PLCB4: variants seen among roughly 807,000 people sequenced by gnomAD.
PLCB4 encodes 1-phosphatidylinositol 4,5-bisphosphate phosphodiesterase beta-4.
In PLCB4, 77 loss-of-function variants were observed where a neutral mutation model predicts 178.8. The ratio of observed to expected loss-of-function variants is 0.43; its 90% CI spans 0.36 to 0.52. The LOEUF (loss-of-function observed/expected upper bound fraction) is 0.52. Among genes scored for constraint, PLCB4 ranks in the 20% least tolerant of loss-of-function variants. The pLI, the probability that PLCB4 is intolerant of heterozygous loss-of-function variation, is 0.00. For synonymous variants in PLCB4, 496 were observed against 490.8 expected (o/e 1.01, Z -0.14); for missense variants, 1,024 against 1,453.4 (o/e 0.70, Z 4.80).
chr20:9,224,268 C>T (rs115027589), intron 3 of PLCB4, among the ~76,000 whole-genome samples: 3,168 of 152,276 alleles, frequency 0.021, 119 homozygotes, highest in African/African-American at 0.07. Flanking sequence ...GGTATGAGCA[C>T]AGCTTTCATT....
intron 10 of PLCB4, 70 bp from the exon 11 acceptor site, chr20:9,372,233 A>G (rs190426692): frequency 2.3e-6 from 2 of 851,306 alleles, no homozygotes; most frequent in Admixed American, 2.0e-5. Context: ...GTGCTTCATG[A>G]CCCTGTAGCT....
chr20:9,217,853 C>T (rs1359644314), intron 3 of PLCB4, among the ~76,000 whole-genome samples: 3 of 152,174 alleles, frequency 2.0e-5, no homozygotes, highest in African/African-American at 7.2e-5. Flanking sequence ...AAAATCACAA[C>T]TGTGTACATT....
At chr20:9,273,716 G>C (rs1175608589) in intron 3 of PLCB4, among the ~76,000 whole-genome samples, 1 of 149,670 alleles carries the variant, frequency 6.7e-6, no homozygotes, top group Non-Finnish European at 1.5e-5. Context: ...GTGTGTGTGT[G>C]TGTCTGTTTG....
At chr20:9,182,679 G>A (rs927931465) in intron 2 of PLCB4, among the ~76,000 whole-genome samples, 2 of 152,120 alleles carry the variant, frequency 1.3e-5, no homozygotes, top group Non-Finnish European at 2.9e-5. Context: ...CAGCTCAGGC[G>A]CCTAGGACAT....
At chr20:9,249,940 G>C (rs929291679) in intron 3 of PLCB4, among the ~76,000 whole-genome samples, 2 of 152,062 alleles carry the variant, frequency 1.3e-5, no homozygotes, top group African/African-American at 4.8e-5. Flanking sequence ...TGTATCCAAG[G>C]AATGCATTAG....
At chr20:9,330,954 G>T (rs966254825) in intron 4 of PLCB4, among the ~76,000 whole-genome samples, 1 of 152,182 alleles carries the variant, frequency 6.6e-6, no homozygotes, top group Non-Finnish European at 1.5e-5. Context: ...CATTTACTTT[G>T]TCCCAGGTAC....
intron 3 of PLCB4, among the ~76,000 whole-genome samples, chr20:9,278,180 G>A (rs1403243765): frequency 6.6e-6 from 1 of 151,972 alleles, no homozygotes; most frequent in African/African-American, 2.4e-5. Flanking sequence ...TGGTGGATAG[G>A]GAAGAGGTGG....
chr20:9,118,898 C>T (rs1196925688), intron 2 of PLCB4, among the ~76,000 whole-genome samples: 1 of 152,116 alleles, frequency 6.6e-6, no homozygotes, highest in Admixed American at 6.5e-5. Context: ...TTAACTGTCA[C>T]CTTTATTAAG....
intron 2 of PLCB4, among the ~76,000 whole-genome samples, chr20:9,174,655 CTT>C (rs1025351143): frequency 6.6e-6 from 1 of 152,038 alleles, no homozygotes; most frequent in African/African-American, 2.4e-5. Flanking sequence ...GGTTTTCTTC[CTT>C]GTTTTCCAAC....
At chr20:9,210,465 T>C (rs1293645965) in intron 2 of PLCB4, among the ~76,000 whole-genome samples, 1 of 152,076 alleles carries the variant, frequency 6.6e-6, no homozygotes, top group East Asian at 1.9e-4. Context: ...CTTGGGTCGG[T>C]GAGAGGAGAA....
At chr20:9,125,447 A>G (rs1345439580) in intron 2 of PLCB4, among the ~76,000 whole-genome samples, 1 of 152,000 alleles carries the variant, frequency 6.6e-6, no homozygotes, top group Non-Finnish European at 1.5e-5. Context: ...TTTAAATTTC[A>G]TTTTCTTCAC....
At chr20:9,359,857 A>T (rs1445877147) in intron 7 of PLCB4, among the ~76,000 whole-genome samples, 1 of 152,240 alleles carries the variant, frequency 6.6e-6, no homozygotes. Flanking sequence ...CGCCTGGCGT[A>T]ACTTTCCAAC....
At chr20:9,125,888 C>T (rs1307462011) in intron 2 of PLCB4, among the ~76,000 whole-genome samples, 1 of 152,116 alleles carries the variant, frequency 6.6e-6, no homozygotes, top group African/African-American at 2.4e-5. Context: ...CCAGAACCAT[C>T]CCCTCTTTCC....
In PLCB4 at chr20:9,446,963, A is replaced by C. The variant is rs77723009; in HGVS notation, c.2880+2720A>C. On this transcript the variant is annotated intron_variant, in intron 32 of 39. Transcript: ENST00000378473. ...CCAAAAAATGAAAAACTGTTTAAGG[A>C]GAGGGGAACAATGTGGTGAATCTAT... 6.9e-3 allele frequency among the ~76,000 whole-genome samples: 1,053 copies of C among 152,324 alleles called. 13 individuals are homozygous for C. The highest frequency in any genetic ancestry group is 0.024 in the African/African-American group (1,018 of 41,570).
At chr20:9,258,212 T>C (rs922292054) in intron 3 of PLCB4, among the ~76,000 whole-genome samples, 4 of 152,220 alleles carry the variant, frequency 2.6e-5, no homozygotes, top group Admixed American at 6.5e-5. Flanking sequence ...CAGCTTGTTT[T>C]CCATCTGAGT....
intron 19 of PLCB4, among the ~76,000 whole-genome samples, chr20:9,398,079 C>G (rs955676536): frequency 6.6e-6 from 1 of 152,184 alleles, no homozygotes; most frequent in African/African-American, 2.4e-5. Flanking sequence ...ACTTGGGCTT[C>G]TCATAGCACG....
intron 2 of PLCB4, among the ~76,000 whole-genome samples, chr20:9,106,215 T>C (rs570817389): frequency 6.6e-6 from 1 of 151,984 alleles, no homozygotes; most frequent in Admixed American, 6.6e-5. Context: ...CAATCAAAAG[T>C]GCAAATTAAA....
chr20:9,427,126 G>A (rs573436507), intron 28 of PLCB4, among the ~76,000 whole-genome samples: 1 of 152,282 alleles, frequency 6.6e-6, no homozygotes, highest in Admixed American at 6.5e-5. Context: ...TCTGCAGGCT[G>A]AGGCACAAGA....
At chr20:9,453,116 G>A (rs895852889) in intron 32 of PLCB4, among the ~76,000 whole-genome samples, 1 of 152,198 alleles carries the variant, frequency 6.6e-6, no homozygotes, top group Admixed American at 6.6e-5. Flanking sequence ...GAGTGCATTT[G>A]AACTGGGCAT....
Sources: gnomAD v4.1 joint callset for allele counts (sites outside exome capture counted in the v4.1 genomes callset) on GRCh38, gnomAD v4.1.1 for gene constraint, MANE v1.5 for transcripts, NCBI Gene and HGNC (gene_info 2026-07-23, HGNC 2026-07-21) for gene names.